ZNF763: variants seen among roughly 807,000 people sequenced by gnomAD.
ZNF763 encodes zinc finger protein 763, also known as DNA-binding protein.
In ZNF763, 33 loss-of-function variants were observed where a neutral mutation model predicts 38.0. That is an observed-to-expected ratio of 0.87 (90% CI 0.66 to 1.16). ZNF763 has a LOEUF of 1.16. Among genes scored for constraint, ZNF763 ranks in the 50% most tolerant of loss-of-function variants. The pLI is 0.00. For synonymous variants in ZNF763, 155 were observed against 160.1 expected, an observed-to-expected ratio of 0.97 and a Z score of 0.24; for missense variants, 423 against 469.1, an observed-to-expected ratio of 0.90 and a Z score of 0.91.
Position 11,978,728 on chromosome 19 carries a change from C to A in ZNF763, c.804C>A (p.Ser268=). The A allele has an allele frequency of 6.2e-7, 1 of 1,613,986 alleles. No homozygotes were observed. Among genetic ancestry groups the A allele is most frequent in the Non-Finnish European group, 8.5e-7 (1 of 1,179,954 alleles). The change falls in exon 4 of 4, where the codon TCC becomes TCA. Residue 268 remains serine, a synonymous_variant. Coordinates refer to ENST00000358987, the MANE Select transcript of ZNF763 (RefSeq NM_001367172.2). ...AATGTGGGAAAGCATTCCATAGTTC[C>A]AGTTCTTTTCAAGCACATAAAAGAA... ...CQQCGKAFHS[S]SSFQAHKRTH...
chr19:11,970,982 C>T (rs1346810487), intron 1 of ZNF763, among the ~76,000 whole-genome samples: 1 of 152,090 alleles, frequency 6.6e-6, no homozygotes, highest in African/African-American at 2.4e-5. Context: ...TCACAATTTG[C>T]TGTTTTCCAT....
At chr19:11,972,017 G>A (rs1293284478) in intron 1 of ZNF763, among the ~76,000 whole-genome samples, 1 of 151,538 alleles carries the variant, frequency 6.6e-6, no homozygotes, top group Non-Finnish European at 1.5e-5. Flanking sequence ...AGCCAAGATG[G>A]TGTCATTGCA....
At chr19:11,967,473 C>T (rs1317879919) in intron 1 of ZNF763, among the ~76,000 whole-genome samples, 2 of 151,948 alleles carry the variant, frequency 1.3e-5, no homozygotes, top group Admixed American at 6.6e-5. Flanking sequence ...GGCGCGATCT[C>T]GGCTCACTGC....
chr19:11,965,205 G>A lies in ZNF763; in HGVS notation c.-4G>A. The A allele has an allele frequency of 6.2e-7, 1 of 1,614,120 alleles. No homozygotes were observed. The highest frequency in any genetic ancestry group is 8.5e-7 in the Non-Finnish European group (1 of 1,179,976). ...AGGACCCCAGGACATCTGAAAGCCA[G>A]GAAATGGTGCGTGTGCATAGCCGGT... On this transcript the variant is annotated 5_prime_UTR_variant, in exon 1 of 4. Transcript: ENST00000358987.
At chr19:11,977,235 G>A in intron 2 of ZNF763, 71 bp downstream of exon 2, 1 of 1,607,526 alleles carries the variant, frequency 6.2e-7, no homozygotes, top group Non-Finnish European at 8.5e-7. Flanking sequence ...ATGCTGTTGA[G>A]TCATTTGGAA....
rs372976431 is a variant in ZNF763 at position 11,976,957 on chromosome 19, G to A, written c.4-81G>A. On this transcript the variant is annotated intron_variant, in intron 1 of 3. Transcript: ENST00000358987. ...CAGGGAATAAATGTTTGGAGTCCAC[G>A]GCAACTTCTTGGGAATAGAGTCTAG... The A allele has an allele frequency of 6.7e-5, 106 of 1,580,624 alleles. 1 individual carries two copies. Among genetic ancestry groups the A allele is most frequent in the African/African-American group, 2.9e-4 (21 of 72,898 alleles).
intron 1 of ZNF763, 130 bp from the exon 2 acceptor site, chr19:11,976,908 G>A (rs369269415): frequency 5.2e-5 from 79 of 1,532,524 alleles, no homozygotes; most frequent in East Asian, 4.2e-4. Context: ...TACAGAAAGC[G>A]AGAAAGGGAT....
At chr19:11,976,412 C>T (rs1035363268) in intron 1 of ZNF763, among the ~76,000 whole-genome samples, 22 of 151,726 alleles carry the variant, frequency 1.4e-4, no homozygotes, top group African/African-American at 3.6e-4. Flanking sequence ...ATGAACCAGC[C>T]GAGCATGGTG....
Position 11,978,434 on chromosome 19 carries a change from A to G in ZNF763, c.510A>G (p.Lys170=). 1 of 1,614,158 alleles carries G rather than the reference A, an allele frequency of 6.2e-7. No individual in the cohort carries two copies. Among genetic ancestry groups the G allele is most frequent in the Non-Finnish European group, 8.5e-7 (1 of 1,180,026 alleles). ...RTQERNHTGE[K]PYACKECGKT... is the part of the protein sequence containing the mutation. ...AAGAAAGGAATCACACCGGAGAGAA[A>G]CCCTATGCTTGTAAAGAATGTGGAA... Residue 170 remains lysine, a synonymous_variant, in exon 4 of 4, where the codon AAA becomes AAG. Coordinates refer to ENST00000358987, the MANE Select transcript of ZNF763 (RefSeq NM_001367172.2).
In ZNF763 at chr19:11,980,386, A is replaced by AAAG. The variant is rs1210592746; in HGVS notation, c.*1279_*1280insGAA. 6 of 163,712 alleles carry AAAG rather than the reference A, an allele frequency of 3.7e-5. No homozygotes were observed. The highest frequency in any genetic ancestry group is 6.3e-5 in the Admixed American group (1 of 15,986). The allele number at this position is 163,712 out of a possible 1,614,324, so 10.1% of individuals were successfully genotyped here. On this transcript the variant is annotated 3_prime_UTR_variant, in exon 4 of 4. Transcript: ENST00000358987. Reference sequence around the variant, plus strand: ...ACAGGAGCAAAACTCCGTCTCAAAAAAAAAAAAAAAAAAGACTTGGCCTTG... The same window carrying AAAG: ...ACAGGAGCAAAACTCCGTCTCAAAAAAAGAAAAAAAAAAAAAGACTTGGCCTTG...
chr19:11,978,651 C>G lies in ZNF763; in HGVS notation c.727C>G (p.His243Asp). The G allele has an allele frequency of 6.2e-7, 1 of 1,613,846 alleles. No individual in the cohort carries two copies. The highest frequency in any genetic ancestry group is 2.2e-5 in the East Asian group (1 of 44,854). ...CVKSFSYSAT[H>D]RIHERTHTGE... ...TAAATCCTTTAGTTATTCTGCTACC[C>G]ATCGAATACATGAAAGAACTCACAC... is the stretch of plus-strand genomic sequence containing the variant. Residue 243 changes from histidine (H) to aspartate (D), a missense_variant, in exon 4 of 4, where the codon CAT becomes GAT. Transcript: ENST00000358987.
At chr19:11,977,536 CTCT>C in intron 3 of ZNF763, 105 bp downstream of exon 3, 3 of 1,370,618 alleles carry the variant, frequency 2.2e-6, no homozygotes, top group South Asian at 1.3e-5. Context: ...TCAAATTCAT[CTCT>C]TCTTAGAATA....
At position 11,979,129 on chromosome 19, in the gene ZNF763, G is replaced by A; in HGVS notation, c.*20G>A. ...TTATAAATGTTAGATATGTGGGAAA[G>A]GCCTTTATTCTGCCAAGTCATTTCG... On this transcript the variant is annotated 3_prime_UTR_variant, in exon 4 of 4. Coordinates refer to ENST00000358987, the MANE Select transcript of ZNF763 (RefSeq NM_001367172.2). The A allele has an allele frequency of 1.9e-6, 3 of 1,613,122 alleles. No homozygotes were observed. The highest frequency in any genetic ancestry group is 2.5e-6 in the Non-Finnish European group (3 of 1,179,806).
chr19:11,978,799 C>T lies in ZNF763; in HGVS notation c.875C>T (p.Ser292Phe). 1 of 1,614,110 alleles carries T rather than the reference C, an allele frequency of 6.2e-7. No individual in the cohort carries two copies. Among genetic ancestry groups the T allele is most frequent in the Non-Finnish European group, 8.5e-7 (1 of 1,180,000 alleles). The part of the protein sequence containing the change: ...KPYECKQCGK[S>F]FSWCHSFQIH... ...TATGAATGTAAACAATGTGGCAAATCCTTCAGTTGGTGTCATTCCTTTCAA... is the reference window on the plus strand; with the variant it reads ...TATGAATGTAAACAATGTGGCAAATTCTTCAGTTGGTGTCATTCCTTTCAA... The change falls in exon 4 of 4, where the codon TCC (serine) becomes TTC (phenylalanine). Residue 292 changes from serine to phenylalanine, a missense_variant. Coordinates refer to ENST00000358987, the MANE Select transcript of ZNF763 (RefSeq NM_001367172.2).
intron 1 of ZNF763, among the ~76,000 whole-genome samples, chr19:11,970,800 G>A (rs279286): frequency 0.056 from 8,585 of 152,150 alleles, 768 homozygotes; most frequent in African/African-American, 0.19. Context: ...GCATGGCAGC[G>A]CATGGCTATA....
rs200643837 is a variant in ZNF763, at chr19:11,978,250, T to C, written c.326T>C (p.Phe109Ser). ...CCTGAAGCAAAATCATGTGATAACT[T>C]TGTATGTGGAGAAGTTGGCATAGGT... ...ASPEAKSCDN[F>S]VCGEVGIGNS... The change falls in exon 4 of 4, where the codon TTT becomes TCT. Residue 109 changes from phenylalanine to serine, a missense_variant. Transcript: ENST00000358987. The C allele has an allele frequency of 5.2e-5, 84 of 1,613,788 alleles. No individual in the cohort carries two copies. The African/African-American group carries it at 1.1e-3, about 21-fold the overall frequency.
intron 1 of ZNF763, among the ~76,000 whole-genome samples, chr19:11,965,516 TG>T (rs1483112604): frequency 6.6e-6 from 1 of 152,204 alleles, no homozygotes; most frequent in African/African-American, 2.4e-5. Flanking sequence ...GAGAGGGTCA[TG>T]GGGGAAATCC....
In ZNF763 at chr19:11,979,284, G is replaced by A. The variant is rs1013335638; in HGVS notation, c.*175G>A. ...CTGGAGAGAAACCCTATGAGTGTAA[G>A]CAATGTGGGAAAGCCTTCAGATGTG... On this transcript the variant is annotated 3_prime_UTR_variant, in exon 4 of 4. Transcript: ENST00000358987. The A allele has an allele frequency of 1.2e-5, 20 of 1,613,372 alleles. No individual in the cohort carries two copies. The highest frequency in any genetic ancestry group is 1.7e-5 in the Non-Finnish European group (20 of 1,179,880).
Position 11,978,758 on chromosome 19 carries a change from C to T in ZNF763, c.834C>T (p.His278=), listed in dbSNP as rs764885193. ...SSSFQAHKRT[H]TGGKPYECKQ... ...CTTTTCAAGCACATAAAAGAACCCA[C>T]ACTGGGGGAAAGCCATATGAATGTA... The change falls in exon 4 of 4, where the codon CAC becomes CAT. Residue 278 remains histidine (H), a synonymous_variant. Transcript: ENST00000358987. 6 of 1,614,062 alleles carry T rather than the reference C, an allele frequency of 3.7e-6. No individual in the cohort carries two copies. In the East Asian group the frequency reaches 1.3e-4, roughly 36 times the overall value.
Sources: allele counts gnomAD v4.1 joint callset (sites outside exome capture counted in the v4.1 genomes callset), GRCh38; gene constraint gnomAD v4.1.1; transcripts MANE v1.5; gene names NCBI Gene and HGNC (gene_info 2026-07-23, HGNC 2026-07-21).